The following ULK4 variants were observed in gnomAD, a reference collection of about 807,000 sequenced individuals.
ULK4 encodes the protein unc-51 like kinase 4, also known as inactive serine/threonine-protein kinase ULK4.
Under a neutral mutation model 160.6 loss-of-function variants are expected in ULK4, and 133 were observed. The observed-to-expected ratio is 0.83, with a 90% CI of 0.72 to 0.96. The LOEUF is 0.96. Ranked by LOEUF, ULK4 falls within the 40% of genes least tolerant of loss-of-function variation. ULK4 has a pLI of 0.00. For missense variants in ULK4, 1,580 were observed against 1,499.5 expected (o/e 1.05, Z -0.89); for synonymous variants, 534 against 539.8 (o/e 0.99, Z 0.15).
At chr3:41,261,308 A>C (rs572687926) in intron 35 of ULK4, among the ~76,000 whole-genome samples, 1 of 152,298 alleles carries the variant, frequency 6.6e-6, no homozygotes, top group African/African-American at 2.4e-5. Context: ...TCTTTTTGAC[A>C]ACTTGAAAAA....
At chr3:41,363,840 C>T (rs1381963159) in intron 35 of ULK4, among the ~76,000 whole-genome samples, 2 of 152,142 alleles carry the variant, frequency 1.3e-5, no homozygotes, top group Non-Finnish European at 2.9e-5. Flanking sequence ...AGGGCCCTAT[C>T]AGGTAAACTA....
intron 18 of ULK4, among the ~76,000 whole-genome samples, chr3:41,822,066 A>G (rs2041163150): frequency 6.6e-6 from 1 of 152,110 alleles, no homozygotes; most frequent in African/African-American, 2.4e-5. Context: ...TCCACATTTA[A>G]ACCAGAATTA....
intron 32 of ULK4, among the ~76,000 whole-genome samples, chr3:41,546,963 C>A (rs1363960979): frequency 6.6e-6 from 1 of 152,122 alleles, no homozygotes; most frequent in East Asian, 1.9e-4. Context: ...AGTAGTTTTT[C>A]TATGAATACG....
At chr3:41,773,866 A>T (rs928674737) in intron 21 of ULK4, among the ~76,000 whole-genome samples, 1 of 152,168 alleles carries the variant, frequency 6.6e-6, no homozygotes, top group African/African-American at 2.4e-5. Context: ...ACTGGTACCA[A>T]AACAGAGATA....
intron 30 of ULK4, among the ~76,000 whole-genome samples, chr3:41,655,569 T>C (rs2125747371): frequency 6.6e-6 from 1 of 152,244 alleles, no homozygotes; most frequent in African/African-American, 2.4e-5. Context: ...TATCTAGGTG[T>C]AGCAGCATGC....
rs533869641 is a variant in ULK4, at chr3:41,909,529, G to T, written c.1086-1588C>A. ...GAGTTCGAGGCCAGCTGGGCAACTCGGAGAAACTCCATCTCTACTAAAAAT... is the reference window on the plus strand; with the variant it reads ...GAGTTCGAGGCCAGCTGGGCAACTCTGAGAAACTCCATCTCTACTAAAAAT... On this transcript the variant is annotated intron_variant, in intron 11 of 36. Coordinates refer to ENST00000301831, the MANE Select transcript of ULK4 (RefSeq NM_017886.4). Among the ~76,000 whole-genome samples, 16 of 148,460 alleles carry T rather than the reference G, an allele frequency of 1.1e-4. 1 individual carries two copies. The South Asian group carries it at 3.3e-3, about 31-fold the overall frequency.
chr3:41,752,464 T>C (rs1401376372), intron 22 of ULK4, among the ~76,000 whole-genome samples: 3 of 152,140 alleles, frequency 2.0e-5, no homozygotes, highest in South Asian at 4.1e-4. Context: ...CTTCAAGACA[T>C]TGGACAAGGA....
chr3:41,801,201 T>C (rs553167279), intron 19 of ULK4, among the ~76,000 whole-genome samples: 5 of 152,114 alleles, frequency 3.3e-5, no homozygotes, highest in African/African-American at 1.2e-4. Flanking sequence ...TGTCTTATAA[T>C]AAAAATACAC....
At chr3:41,300,145 G>A (rs995381107) in intron 35 of ULK4, among the ~76,000 whole-genome samples, 2 of 152,132 alleles carry the variant, frequency 1.3e-5, no homozygotes, top group Non-Finnish European at 2.9e-5. Context: ...ATGAAAAGTG[G>A]AAAAATGAGA....
chr3:41,873,656 C>A (rs138853208), intron 17 of ULK4, among the ~76,000 whole-genome samples: 5 of 152,128 alleles, frequency 3.3e-5, no homozygotes, highest in African/African-American at 1.2e-4. Context: ...CGGGTTCAAG[C>A]GATTCTCCTG....
At chr3:41,704,773 C>T (rs1362411620) in intron 27 of ULK4, among the ~76,000 whole-genome samples, 1 of 152,018 alleles carries the variant, frequency 6.6e-6, no homozygotes, top group Non-Finnish European at 1.5e-5. Context: ...AAACCTTGCA[C>T]TGAAGGTTTG....
At chr3:41,758,394 A>T (rs1390644773) in intron 21 of ULK4, among the ~76,000 whole-genome samples, 1 of 152,222 alleles carries the variant, frequency 6.6e-6, no homozygotes, top group Admixed American at 6.5e-5. Flanking sequence ...ATCATTAAAT[A>T]AGCATTTATA....
At chr3:41,491,810 C>T (rs988569353) in intron 32 of ULK4, among the ~76,000 whole-genome samples, 1 of 151,176 alleles carries the variant, frequency 6.6e-6, no homozygotes, top group African/African-American at 2.4e-5. Flanking sequence ...ATACATGTGC[C>T]ATGTTGGTGT....
intron 31 of ULK4, among the ~76,000 whole-genome samples, chr3:41,598,577 G>GA (rs1038025483): frequency 7.9e-5 from 12 of 152,050 alleles, no homozygotes; most frequent in African/African-American, 2.7e-4. Context: ...AACAGCATTA[G>GA]AAAAAAATAT....
In ULK4 at chr3:41,313,496, T is replaced by C. The variant is rs2080089386; in HGVS notation, c.3679-63922A>G. Among the ~76,000 whole-genome samples, 2 of 152,182 alleles carry C rather than the reference T, an allele frequency of 1.3e-5. 1 individual carries two copies. On this transcript the variant is annotated intron_variant, in intron 35 of 36. Coordinates refer to ENST00000301831, the MANE Select transcript of ULK4 (RefSeq NM_017886.4). ...CTTTTGGTGTTGATCTTCTCATTTT[T>C]GCATTGTTTTCTATTTCATTAATTT...
chr3:41,475,590 CATAA>C (rs2084116258), intron 32 of ULK4, among the ~76,000 whole-genome samples: 1 of 151,888 alleles, frequency 6.6e-6, no homozygotes, highest in South Asian at 2.1e-4. Context: ...CTTTGTACCC[CATAA>C]ATATACAACT....
In ULK4 at chr3:41,687,331, C is replaced by G. The variant is rs559891091; in HGVS notation, c.2782-5527G>C. On this transcript the variant is annotated intron_variant, in intron 27 of 36. Transcript: ENST00000301831. ...GAGGTTGCCGTGTGCCAAGATCACA[C>G]CACTGCACTCCAGTCTGGCGATGAA... Among the ~76,000 whole-genome samples the G allele has an allele frequency of 4.0e-5, 6 of 151,758 alleles. No homozygotes were observed. The East Asian group carries it at 1.2e-3, about 30-fold the overall frequency.
Position 41,558,537 on chromosome 3 carries a change from C to G in ULK4, c.3226+7488G>C, listed in dbSNP as rs1369151346. On this transcript the variant is annotated intron_variant, in intron 32 of 36. Coordinates refer to ENST00000301831, the MANE Select transcript of ULK4 (RefSeq NM_017886.4). ...TGGCCAACATAATGAAACACTGTCT[C>G]TACTAAATATACAAAAATTAGCCGG... Among the ~76,000 whole-genome samples, 3 of 151,844 alleles carry G rather than the reference C, an allele frequency of 2.0e-5. No homozygotes were observed. The East Asian group carries it at 5.8e-4, about 30-fold the overall frequency.
chr3:41,529,220 C>T (rs2125938658), intron 32 of ULK4, among the ~76,000 whole-genome samples: 1 of 152,254 alleles, frequency 6.6e-6, no homozygotes, highest in African/African-American at 2.4e-5. Context: ...GAGCATTCTT[C>T]CTTATATTCA....
Sources: allele counts gnomAD v4.1 joint callset (sites outside exome capture counted in the v4.1 genomes callset), GRCh38; gene constraint gnomAD v4.1.1; transcripts MANE v1.5; gene names NCBI Gene and HGNC (gene_info 2026-07-23, HGNC 2026-07-21).